Variants in SSBP3 observed in about 807,000 individuals in gnomAD.
The protein encoded by SSBP3 is single stranded DNA binding protein 3, also known as single-stranded DNA-binding protein 3.
In SSBP3, 5 loss-of-function variants were observed where a neutral mutation model predicts 69.6. That is an observed-to-expected ratio of 0.07 (90% CI 0.04 to 0.15). The LOEUF (loss-of-function observed/expected upper bound fraction) is 0.15. Among genes scored for constraint, SSBP3 ranks in the 10% least tolerant of loss-of-function variants. The pLI, the probability that SSBP3 is intolerant of heterozygous loss-of-function variation, is 1.00. For synonymous variants in SSBP3, 196 were observed against 193.4 expected (o/e 1.01, Z -0.11); for missense variants, 312 against 534.0 (o/e 0.58, Z 4.10).
intron 5 of SSBP3, among the ~76,000 whole-genome samples, chr1:54,278,560 C>T (rs1645332753): frequency 6.6e-6 from 1 of 152,224 alleles, no homozygotes. Flanking sequence ...AGAAGCAAGG[C>T]CCTGTGTTGC....
At chr1:54,359,367 C>T (rs1646918031) in intron 4 of SSBP3, among the ~76,000 whole-genome samples, 1 of 152,146 alleles carries the variant, frequency 6.6e-6, no homozygotes, top group African/African-American at 2.4e-5. Context: ...GCAGAGGCTG[C>T]AGAAGAAACC....
chr1:54,240,087 T>TGTGTGTGCGCGC (rs1159547661), intron 13 of SSBP3, among the ~76,000 whole-genome samples: 5 of 42,344 alleles, frequency 1.2e-4, no homozygotes, highest in Admixed American at 7.5e-4. Flanking sequence ...TGTGTGTGTG[T>TGTGTGTGCGCGC]GCGCGCGCGC....
rs34137070 is a variant in SSBP3, at chr1:54,384,105, C to CAAAAAA, written c.276+17750_276+17755dup. ...TGGGCAACAGTGCAAGACTCCATCT[C>CAAAAAA]AAAAAAAAAAAAAAAAAAAAGCAAG... On this transcript the variant is annotated intron_variant, in intron 4 of 17. Transcript: ENST00000610401. Among the ~76,000 whole-genome samples the CAAAAAA allele has an allele frequency of 1.2e-3, 110 of 94,104 alleles. 2 individuals are homozygous for CAAAAAA. The highest frequency in any genetic ancestry group is 3.6e-3 in the African/African-American group (88 of 24,646). 61.7% of individuals were successfully genotyped at this position (94,104 alleles called of 152,430 possible).
intron 5 of SSBP3, among the ~76,000 whole-genome samples, chr1:54,272,269 C>T (rs566830305): frequency 6.6e-6 from 1 of 152,204 alleles, no homozygotes; most frequent in African/African-American, 2.4e-5. Context: ...TCACACTGAG[C>T]TAGATGCTGG....
Position 54,281,424 on chromosome 1 carries a change from G to A in SSBP3, c.366+14C>T. On this transcript the variant is annotated intron_variant, in intron 5 of 17. Transcript: ENST00000610401. ...TACAAGGTGGAGCACAAGACCCACG[G>A]GCCCCGCACGTACCTGAAAGAAACC... The A allele has an allele frequency of 3.2e-6, 5 of 1,550,074 alleles. No individual in the cohort carries two copies. Among genetic ancestry groups the A allele is most frequent in the Non-Finnish European group, 4.4e-6 (5 of 1,146,360 alleles).
upstream of SSBP3, among the ~76,000 whole-genome samples, chr1:54,407,340 G>C (rs987837046): frequency 4.6e-5 from 7 of 152,128 alleles, no homozygotes; most frequent in African/African-American, 1.4e-4. Flanking sequence ...ACAGAAATCT[G>C]CAAACTTCAA....
chr1:54,316,237 G>A (rs1488120362), intron 4 of SSBP3, among the ~76,000 whole-genome samples: 1 of 151,998 alleles, frequency 6.6e-6, no homozygotes, highest in Non-Finnish European at 1.5e-5. Flanking sequence ...TCCCAGCTCG[G>A]GAGGCTGAGG....
intron 9 of SSBP3, among the ~76,000 whole-genome samples, chr1:54,248,923 G>A (rs1262496366): frequency 2.6e-5 from 4 of 152,224 alleles, no homozygotes; most frequent in African/African-American, 7.2e-5. Flanking sequence ...AGGTTGGCAA[G>A]GGTGTGTAAC....
chr1:54,245,673 C>G (rs972644869), intron 9 of SSBP3, among the ~76,000 whole-genome samples: 26 of 152,336 alleles, frequency 1.7e-4, no homozygotes, highest in Admixed American at 1.4e-3. Flanking sequence ...AAGGCAGGCC[C>G]CGCCTCACCC....
intron 4 of SSBP3, among the ~76,000 whole-genome samples, chr1:54,346,125 T>C (rs1055497571): frequency 2.6e-5 from 4 of 151,512 alleles, no homozygotes; most frequent in African/African-American, 9.7e-5. Context: ...ATCGTGCCAT[T>C]GCACTCCAGC....
At chr1:54,290,818 C>T (rs1645591833) in intron 4 of SSBP3, among the ~76,000 whole-genome samples, 1 of 152,192 alleles carries the variant, frequency 6.6e-6, no homozygotes, top group Non-Finnish European at 1.5e-5. Flanking sequence ...AGAGGATCCC[C>T]CCTAGATGAA....
In SSBP3 at chr1:54,242,983, G is replaced by A. The variant is rs187910505; in HGVS notation, c.716+252C>T. 1,382 of 492,414 alleles carry A rather than the reference G, an allele frequency of 2.8e-3. 2 individuals carry two copies. The highest frequency in any genetic ancestry group is 3.9e-3 in the Non-Finnish European group (1,088 of 278,076). 30.5% of individuals were successfully genotyped at this position (492,414 alleles called of 1,614,324 possible). ...TAAAAATAAAAATAAAAATCATCGCGTCATAGGGTAATCATGAAGATGAGG... is the reference window on the plus strand; with the variant it reads ...TAAAAATAAAAATAAAAATCATCGCATCATAGGGTAATCATGAAGATGAGG... On this transcript the variant is annotated intron_variant, in intron 10 of 17. Transcript: ENST00000610401.
At chr1:54,239,277 C>T in intron 13 of SSBP3, 78 bp from the exon 14 acceptor site, 1 of 1,151,664 alleles carries the variant, frequency 8.7e-7, no homozygotes, top group Non-Finnish European at 1.2e-6. Context: ...CACTGGAACT[C>T]ATTCTTTTGT....
At chr1:54,362,072 C>T (rs1646959880) in intron 4 of SSBP3, among the ~76,000 whole-genome samples, 1 of 152,132 alleles carries the variant, frequency 6.6e-6, no homozygotes, top group Admixed American at 6.5e-5. Context: ...CTTTTCATTC[C>T]CAGCCTGCCA....
intron 4 of SSBP3, among the ~76,000 whole-genome samples, chr1:54,399,460 G>C (rs1437118447): frequency 6.6e-6 from 1 of 152,218 alleles, no homozygotes; most frequent in Non-Finnish European, 1.5e-5. Flanking sequence ...AGGATATGAG[G>C]GACTGAACCT....
intron 5 of SSBP3, among the ~76,000 whole-genome samples, chr1:54,272,845 C>G (rs1213719862): frequency 6.6e-6 from 1 of 152,244 alleles, no homozygotes; most frequent in African/African-American, 2.4e-5. Flanking sequence ...GCTACTGACA[C>G]CCATCCTTCC....
At chr1:54,365,104 C>CT (rs1044553844) in intron 4 of SSBP3, among the ~76,000 whole-genome samples, 2 of 152,142 alleles carry the variant, frequency 1.3e-5, no homozygotes, top group African/African-American at 4.8e-5. Flanking sequence ...CGCCGAAGAG[C>CT]TTTTTTTGCA....
intron 4 of SSBP3, among the ~76,000 whole-genome samples, chr1:54,288,573 A>C (rs2100924802): frequency 1.1e-5 from 1 of 93,830 alleles, no homozygotes; most frequent in South Asian, 5.0e-4. Flanking sequence ...TTGATCCCAT[A>C]CATCAGCAGG....
intron 4 of SSBP3, among the ~76,000 whole-genome samples, chr1:54,374,213 T>C (rs1647180104): frequency 6.6e-6 from 1 of 152,174 alleles, no homozygotes; most frequent in East Asian, 1.9e-4. Context: ...TGCGCGGGAA[T>C]GTGTGCGGAG....
Sources: allele counts gnomAD v4.1 joint callset (sites outside exome capture counted in the v4.1 genomes callset), GRCh38; gene constraint gnomAD v4.1.1; transcripts MANE v1.5; gene names NCBI Gene and HGNC (gene_info 2026-07-23, HGNC 2026-07-21).